The following SPTLC2 variants were observed in gnomAD, a reference collection of about 807,000 sequenced individuals.
SPTLC2 encodes serine palmitoyltransferase 2.
A neutral mutation model predicts 62.0 loss-of-function variants in SPTLC2; 21 were observed. That is an observed-to-expected ratio of 0.34 (90% CI 0.24 to 0.49). The LOEUF is 0.49. SPTLC2 is among the 20% of genes least tolerant of loss of function. SPTLC2 has a pLI of 0.99. For missense variants in SPTLC2, 511 were observed against 713.0 expected, an observed-to-expected ratio of 0.72 and a Z score of 3.23; for synonymous variants, 261 against 261.8, an observed-to-expected ratio of 1.00 and a Z score of 0.03.
chr14:77,521,174 T>C (rs543384219), intron 10 of SPTLC2, among the ~76,000 whole-genome samples: 1 of 152,358 alleles, frequency 6.6e-6, no homozygotes, highest in Non-Finnish European at 1.5e-5. Context: ...TACTAGACTG[T>C]AAGCTCCACA....
intron 9 of SPTLC2, among the ~76,000 whole-genome samples, chr14:77,537,382 C>T (rs2079476870): frequency 1.3e-5 from 2 of 151,844 alleles, no homozygotes; most frequent in African/African-American, 4.8e-5. Context: ...TTATAAGTTC[C>T]TGTTACTGTA....
chr14:77,514,722 G>A (rs1183556984), intron 11 of SPTLC2, among the ~76,000 whole-genome samples: 5 of 152,176 alleles, frequency 3.3e-5, no homozygotes, highest in African/African-American at 1.2e-4. Flanking sequence ...TATTCACAGA[G>A]TTGTGCAACT....
intron 9 of SPTLC2, among the ~76,000 whole-genome samples, chr14:77,532,264 T>C (rs1476745358): frequency 6.6e-6 from 1 of 152,194 alleles, no homozygotes; most frequent in Non-Finnish European, 1.5e-5. Flanking sequence ...AAATGAAAGC[T>C]GGCCTTCCCT....
At chr14:77,602,097 C>A (rs1362634539) in intron 1 of SPTLC2, among the ~76,000 whole-genome samples, 2 of 134,092 alleles carry the variant, frequency 1.5e-5, no homozygotes, top group Non-Finnish European at 3.2e-5. Flanking sequence ...GTGTCTCTAC[C>A]CTTCTCTTTA....
rs140186345 is a variant in SPTLC2 at position 77,512,353 on chromosome 14, G to C, written c.1620C>G (p.Ser540=). The change falls in exon 12 of 12, where the codon TCC becomes TCG. Residue 540 remains serine, a synonymous_variant. Transcript: ENST00000216484. ...CCAGTAGAGGTACCAACCGATGACG[G>C]GAATACTTCAGCTGCAATAGGTCCC... ...EVGDLLQLKY[S]RHRLVPLLDR... 4 of 1,614,082 alleles carry C rather than the reference G, an allele frequency of 2.5e-6. No homozygotes were observed. The African/African-American group carries it at 4.0e-5, about 16-fold the overall frequency.
chr14:77,509,636 A>C lies in SPTLC2; in HGVS notation c.*2648T>G, dbSNP rs183910812. The C allele has an allele frequency of 8.4e-6, 3 of 358,472 alleles. No individual in the cohort carries two copies. The East Asian group carries it at 1.2e-4, about 14-fold the overall frequency. The allele number at this position is 358,472 out of a possible 1,614,324, so 22.2% of individuals were successfully genotyped here. ...GTATGCCTCAAATCGACTTATTCTC[A>C]ATGACTGTATTTATATATACTTGTA... On this transcript the variant is annotated 3_prime_UTR_variant, in exon 12 of 12. Transcript: ENST00000216484.
chr14:77,566,978 CT>C (rs72184678), intron 5 of SPTLC2, among the ~76,000 whole-genome samples: 3 of 149,612 alleles, frequency 2.0e-5, no homozygotes, highest in African/African-American at 4.9e-5. Context: ...GAATATAAAT[CT>C]TTTTTTTTTG....
At chr14:77,588,565 G>A (rs987213369) in intron 2 of SPTLC2, among the ~76,000 whole-genome samples, 4 of 151,714 alleles carry the variant, frequency 2.6e-5, no homozygotes, top group East Asian at 1.9e-4. Flanking sequence ...TTGTGGTAGC[G>A]TGCGCCTCTA....
chr14:77,584,796 G>GACACACACACAC (rs149917156), intron 2 of SPTLC2, among the ~76,000 whole-genome samples: 8 of 151,648 alleles, frequency 5.3e-5, no homozygotes, highest in African/African-American at 1.9e-4. Flanking sequence ...AAGACACACA[G>GACACACACACAC]ACACACACAC....
rs577255079 is a variant in SPTLC2, at chr14:77,517,594, A to C, written c.1569+444T>G. Among the ~76,000 whole-genome samples the C allele has an allele frequency of 3.0e-4, 46 of 152,326 alleles. 2 individuals carry two copies. In the South Asian group the frequency reaches 9.1e-3, roughly 30 times the overall value. On this transcript the variant is annotated intron_variant, in intron 11 of 11. Transcript: ENST00000216484. ...AATTATAGGTGTGAAGAATTTAGTA[A>C]GGGAGAATCTCAGGATTCCAAGGGA...
chr14:77,602,532 T>C (rs553889260), intron 1 of SPTLC2, among the ~76,000 whole-genome samples: 9 of 149,038 alleles, frequency 6.0e-5, no homozygotes, highest in Middle Eastern at 3.5e-3. Flanking sequence ...TTTAAGGAGG[T>C]TGAAAAGGTT....
At chr14:77,513,086 C>T (rs1336884365) in intron 11 of SPTLC2, among the ~76,000 whole-genome samples, 5 of 121,942 alleles carry the variant, frequency 4.1e-5, no homozygotes, top group Non-Finnish European at 8.0e-5. Context: ...AGTACAGTGG[C>T]ACCATCTCGG....
intron 7 of SPTLC2, 51 bp downstream of exon 7, chr14:77,556,988 CTA>C: frequency 6.7e-7 from 1 of 1,491,852 alleles, no homozygotes; most frequent in Non-Finnish European, 9.3e-7. Flanking sequence ...TTAAAAAATT[CTA>C]TGACTTCATG....
chr14:77,512,733 T>C (rs1287805279), intron 11 of SPTLC2, among the ~76,000 whole-genome samples: 1 of 152,246 alleles, frequency 6.6e-6, no homozygotes, highest in Non-Finnish European at 1.5e-5. Context: ...CTTTTGTTTT[T>C]GAGATGGAGT....
chr14:77,512,807 C>T (rs926743069), intron 11 of SPTLC2, among the ~76,000 whole-genome samples: 5 of 152,102 alleles, frequency 3.3e-5, no homozygotes, highest in Non-Finnish European at 5.9e-5. Flanking sequence ...CCTCCACTTC[C>T]CAGGTTCAAG....
At position 77,551,169 on chromosome 14, in the gene SPTLC2, G is replaced by A. The variant is rs867440156; in HGVS notation, c.1303+927C>T. Among the ~76,000 whole-genome samples, 8 of 151,976 alleles carry A rather than the reference G, an allele frequency of 5.3e-5. 1 individual carries two copies. The highest frequency in any genetic ancestry group is 2.0e-4 in the Admixed American group (3 of 15,248). On this transcript the variant is annotated intron_variant, in intron 9 of 11. Coordinates refer to ENST00000216484, the MANE Select transcript of SPTLC2 (RefSeq NM_004863.4). ...AGCACTTTGGGAGCCCGAGGAGGGC[G>A]GATCACGAGGTCAGGAGATCGAGAC...
chr14:77,525,706 C>T (rs993543619), intron 9 of SPTLC2, among the ~76,000 whole-genome samples: 5 of 152,072 alleles, frequency 3.3e-5, no homozygotes, highest in Admixed American at 1.3e-4. Flanking sequence ...GTCAGGAGAT[C>T]GAGACCATCC....
At chr14:77,527,915 A>G (rs957674718) in intron 9 of SPTLC2, among the ~76,000 whole-genome samples, 6 of 152,244 alleles carry the variant, frequency 3.9e-5, no homozygotes, top group Non-Finnish European at 8.8e-5. Context: ...ATGAGCTTTT[A>G]TACAACTTAT....
Position 77,555,360 on chromosome 14 carries a change from A to G in SPTLC2, c.1116T>C (p.Val372=), listed in dbSNP as rs760502928. The G allele has an allele frequency of 6.2e-7, 1 of 1,614,090 alleles. No homozygotes were observed. Among genetic ancestry groups the G allele is most frequent in the Admixed American group, 1.7e-5 (1 of 60,006 alleles). Residue 372 remains valine (V), a synonymous_variant, in exon 8 of 12, where the codon GTT becomes GTC. Coordinates refer to ENST00000216484, the MANE Select transcript of SPTLC2 (RefSeq NM_004863.4). ...YFGLDPEDVD[V]MMGTFTKSFG... ...AACTCTTTGTGAACGTTCCCATCAT[A>G]ACATCCACATCCTCGGGATCCAGGC...
Sources: allele counts gnomAD v4.1 joint callset (sites outside exome capture counted in the v4.1 genomes callset), GRCh38; gene constraint gnomAD v4.1.1; transcripts MANE v1.5; gene names NCBI Gene and HGNC (gene_info 2026-07-23, HGNC 2026-07-21).